Variants in ADAMTS15 observed in about 807,000 individuals in gnomAD.
ADAMTS15 encodes ADAM metallopeptidase with thrombospondin type 1 motif 15, also known as A disintegrin and metalloproteinase with thrombospondin motifs 15.
Under a neutral mutation model 79.1 loss-of-function variants are expected in ADAMTS15, and 35 were observed. The ratio of observed to expected loss-of-function variants is 0.44; its 90% CI spans 0.34 to 0.59. ADAMTS15 has a LOEUF of 0.59. Ranked by LOEUF, ADAMTS15 falls within the 20% of genes least tolerant of loss-of-function variation. The probability of loss-of-function intolerance (pLI) is 0.02; values close to 1 mark genes in which losing one functional copy is unlikely to be tolerated. For missense variants in ADAMTS15, 1,324 were observed against 1,318.7 expected (o/e 1.00, Z -0.06); for synonymous variants, 616 against 567.3 (o/e 1.09, Z -1.22).
Position 130,473,985 on chromosome 11 carries a change from C to T in ADAMTS15, c.*164C>T. 2 of 999,508 alleles carry T rather than the reference C, an allele frequency of 2.0e-6. No individual in the cohort carries two copies. The highest frequency in any genetic ancestry group is 1.4e-6 in the Non-Finnish European group (1 of 702,246). The allele number at this position is 999,508 out of a possible 1,614,324, so 61.9% of individuals were successfully genotyped here. A position where few individuals can be genotyped will look rare whatever the true frequency, so the allele number is the denominator to read the frequency against. On this transcript the variant is annotated 3_prime_UTR_variant, in exon 8 of 8. Transcript: ENST00000299164. Reference sequence around the variant, plus strand: ...CTGGGGCGAGAGGTTCCCTCCTCCTCCCTGGACTGGGCAGAGGGAAGCCCA... The same window carrying T: ...CTGGGGCGAGAGGTTCCCTCCTCCTTCCTGGACTGGGCAGAGGGAAGCCCA...
intron 1 of ADAMTS15, among the ~76,000 whole-genome samples, chr11:130,453,783 T>C (rs1464180832): frequency 1.3e-5 from 2 of 152,176 alleles, no homozygotes; most frequent in African/African-American, 2.4e-5. Flanking sequence ...TTAAAACATA[T>C]ATATTCAAGT....
chr11:130,450,311 C>T, intron 1 of ADAMTS15: 5 of 985,464 alleles, frequency 5.1e-6, no homozygotes, highest in Non-Finnish European at 6.0e-6. Flanking sequence ...ACGGCCCACC[C>T]CTATTGTATG....
intron 1 of ADAMTS15, among the ~76,000 whole-genome samples, chr11:130,459,528 C>T (rs1938155690): frequency 6.6e-6 from 1 of 152,122 alleles, no homozygotes; most frequent in African/African-American, 2.4e-5. Flanking sequence ...GGAAAACTTT[C>T]TGGGAGAGTG....
At position 130,473,710 on chromosome 11, in the gene ADAMTS15, G is replaced by A; in HGVS notation, c.2742G>A (p.Gln914=). 6.2e-7 allele frequency: 1 copy of A among 1,600,706 alleles called. No individual in the cohort carries two copies. The highest frequency in any genetic ancestry group is 8.5e-7 in the Non-Finnish European group (1 of 1,179,888). ...CCAAGAGCTGCGGCCGGGGATTTCA[G>A]AGGCGCTCACTCAAGTGTGTGGGCC... The part of the protein sequence containing the change: ...PCSKSCGRGF[Q]RRSLKCVGHG... Residue 914 remains glutamine (Q), a synonymous_variant, in exon 8 of 8, where the codon CAG becomes CAA. Coordinates refer to ENST00000299164, the MANE Select transcript of ADAMTS15 (RefSeq NM_139055.4).
chr11:130,471,999 G>C (rs940505539), intron 7 of ADAMTS15, among the ~76,000 whole-genome samples: 1 of 152,236 alleles, frequency 6.6e-6, no homozygotes, highest in Non-Finnish European at 1.5e-5. Flanking sequence ...GACTGAAGGA[G>C]TCTTCACGTC....
chr11:130,454,119 A>G (rs1343256045), intron 1 of ADAMTS15, among the ~76,000 whole-genome samples: 7 of 152,006 alleles, frequency 4.6e-5, no homozygotes, highest in Non-Finnish European at 1.0e-4. Context: ...CGCCTGGTCT[A>G]TTTTGTTTGT....
chr11:130,468,292 G>A (rs545275347), intron 4 of ADAMTS15, among the ~76,000 whole-genome samples: 11 of 152,180 alleles, frequency 7.2e-5, no homozygotes, highest in East Asian at 1.9e-4. Flanking sequence ...GGGTTTGCCC[G>A]TTGCTCAAGC....
intron 7 of ADAMTS15, among the ~76,000 whole-genome samples, chr11:130,471,946 A>G (rs1158305598): frequency 6.6e-6 from 1 of 152,266 alleles, no homozygotes. Context: ...GATTGAGGTG[A>G]GAATGGCAAT....
At position 130,471,402 on chromosome 11, in the gene ADAMTS15, A is replaced by G. The variant is rs533633767; in HGVS notation, c.2078+19A>G. On this transcript the variant is annotated intron_variant, in intron 7 of 7. Coordinates refer to ENST00000299164, the MANE Select transcript of ADAMTS15 (RefSeq NM_139055.4). Reference sequence around the variant, plus strand: ...AGCCCATGTGAGTTCTGGGCCCTGAAGGTCCTGCCAGGGAGCAAAGGGAGG... The same window carrying G: ...AGCCCATGTGAGTTCTGGGCCCTGAGGGTCCTGCCAGGGAGCAAAGGGAGG... The G allele has an allele frequency of 1.9e-6, 3 of 1,591,288 alleles. No homozygotes were observed. Among genetic ancestry groups the G allele is most frequent in the African/African-American group, 2.7e-5 (2 of 73,312 alleles).
chr11:130,450,166 G>T, intron 1 of ADAMTS15: 4 of 985,488 alleles, frequency 4.1e-6, no homozygotes, highest in Non-Finnish European at 4.8e-6. Flanking sequence ...GAAGGTGTTG[G>T]CCTGGCGCGG....
Position 130,462,652 on chromosome 11 carries a change from G to A in ADAMTS15, c.1414G>A (p.Gly472Arg), listed in dbSNP as rs201237546. ...MQYCTKLWCT[G>R]KAKGQMVCQT... ...GTACTGCACCAAGCTGTGGTGCACCGGGAAGGCCAAGGGACAGATGGTGTG... is the reference window on the plus strand; with the variant it reads ...GTACTGCACCAAGCTGTGGTGCACCAGGAAGGCCAAGGGACAGATGGTGTG... Residue 472 changes from glycine (G) to arginine (R), a missense_variant, in exon 4 of 8, where the codon GGG becomes AGG. Physicochemically the swap from Gly to Arg is moderately radical, Grantham distance 125. Transcript: ENST00000299164. The surrounding 1 kb of genome is among the most constrained non-coding windows in gnomAD (Gnocchi z 4.3). The A allele has an allele frequency of 5.9e-5, 96 of 1,613,546 alleles. No individual in the cohort carries two copies. The East Asian group carries it at 1.0e-3, about 18-fold the overall frequency.
chr11:130,452,189 T>G (rs1265507509), intron 1 of ADAMTS15, among the ~76,000 whole-genome samples: 1 of 152,152 alleles, frequency 6.6e-6, no homozygotes, highest in Non-Finnish European at 1.5e-5. Context: ...TTTCTAAGAT[T>G]AAGGCAGATG....
chr11:130,470,413 C>G (rs1364106205), intron 5 of ADAMTS15, among the ~76,000 whole-genome samples: 3 of 151,254 alleles, frequency 2.0e-5, no homozygotes, highest in Admixed American at 2.0e-4. Context: ...GATGGGGTTT[C>G]ACCATGTTCG....
chr11:130,472,839 G>C lies in ADAMTS15; in HGVS notation c.2079-208G>C, dbSNP rs1938485555. Among the ~76,000 whole-genome samples the C allele has an allele frequency of 6.6e-6, 1 of 152,228 alleles. No homozygotes were observed. The highest frequency in any genetic ancestry group is 1.5e-5 in the Non-Finnish European group (1 of 68,036). On this transcript the variant is annotated intron_variant, in intron 7 of 7. Coordinates refer to ENST00000299164, the MANE Select transcript of ADAMTS15 (RefSeq NM_139055.4). This position sits in a 1 kb window ranked among gnomAD's most constrained non-coding sequence, Gnocchi z 4.7. ...GTGGAATTCTGAGCTCCACTTTACA[G>C]GTGAGGATGTGGAGGCTTGGAGAAG...
chr11:130,469,521 A>T, intron 5 of ADAMTS15, 82 bp downstream of exon 5: 12 of 1,082,888 alleles, frequency 1.1e-5, no homozygotes, highest in South Asian at 4.3e-5. Context: ...ACTCCATGTA[A>T]TGCATGGCCT....
rs1242266641 is a variant in ADAMTS15, at chr11:130,473,801, T to G, written c.2833T>G (p.Cys945Gly). Reference protein sequence around the residue: ...LHRKPQELDFCVLRPC With the variant: ...LHRKPQELDFGVLRPC ...CCGCAAGCCCCAGGAGCTGGACTTCTGCGTCCTGAGGCCGTGCTGAGTGGG... is the reference window on the plus strand; with the variant it reads ...CCGCAAGCCCCAGGAGCTGGACTTCGGCGTCCTGAGGCCGTGCTGAGTGGG... The change falls in exon 8 of 8, where the codon TGC (cysteine) becomes GGC (glycine). Residue 945 changes from cysteine (C) to glycine (G), a missense_variant. Coordinates refer to ENST00000299164, the MANE Select transcript of ADAMTS15 (RefSeq NM_139055.4). 12 of 1,597,450 alleles carry G rather than the reference T, an allele frequency of 7.5e-6. No individual in the cohort carries two copies. Among genetic ancestry groups the G allele is most frequent in the Non-Finnish European group, 9.3e-6 (11 of 1,178,784 alleles).
intron 7 of ADAMTS15, 24 bp from the exon 8 acceptor site, chr11:130,473,023 C>T (rs1398910169): frequency 1.2e-6 from 2 of 1,609,574 alleles, no homozygotes; most frequent in Non-Finnish European, 1.7e-6. Context: ...CTATCTGATG[C>T]ACGGCCCCCC....
At chr11:130,470,785 T>G in intron 5 of ADAMTS15, 135 bp from the exon 6 acceptor site, 1 of 969,448 alleles carries the variant, frequency 1.0e-6, no homozygotes, top group Non-Finnish European at 1.5e-6. Flanking sequence ...TGCTTTCAGA[T>G]GGGGGGAGGT....
At position 130,473,366 on chromosome 11, in the gene ADAMTS15, C is replaced by T. The variant is rs1938503817; in HGVS notation, c.2398C>T (p.Leu800=). Residue 800 remains leucine, a synonymous_variant, in exon 8 of 8, where the codon CTG becomes TTG. Coordinates refer to ENST00000299164, the MANE Select transcript of ADAMTS15 (RefSeq NM_139055.4). ...GCCCCGGGTCCGCTACTCCTTCTAT[C>T]TGCCCAAAGAGCCTCGGGAGGACAA... ...TPPRVRYSFY[L]PKEPREDKSS... The T allele has an allele frequency of 6.2e-7, 1 of 1,612,764 alleles. No homozygotes were observed. Among genetic ancestry groups the T allele is most frequent in the Non-Finnish European group, 8.5e-7 (1 of 1,180,006 alleles).
Sources: allele counts gnomAD v4.1 joint callset (sites outside exome capture counted in the v4.1 genomes callset), GRCh38; gene constraint gnomAD v4.1.1; non-coding constraint Gnocchi (gnomAD v3.1); transcripts MANE v1.5; gene names NCBI Gene and HGNC (gene_info 2026-07-23, HGNC 2026-07-21).